LARGE1: variants seen among roughly 807,000 people sequenced by gnomAD.
LARGE1 encodes the protein xylosyl- and glucuronyltransferase LARGE1.
A neutral mutation model predicts 87.6 loss-of-function variants in LARGE1; 43 were observed. The ratio of observed to expected loss-of-function variants is 0.49; its 90% CI spans 0.38 to 0.63. LARGE1 has a LOEUF of 0.63. Among genes scored for constraint, LARGE1 ranks in the 30% least tolerant of loss-of-function variants. LARGE1 has a pLI of 0.00. For missense variants in LARGE1, 802 were observed against 1,000.2 expected (o/e 0.80, Z 2.67); for synonymous variants, 434 against 394.6 (o/e 1.10, Z -1.18).
At chr22:33,371,638 C>A (rs1368202655) in intron 9 of LARGE1, among the ~76,000 whole-genome samples, 1 of 152,114 alleles carries the variant, frequency 6.6e-6, no homozygotes, top group Non-Finnish European at 1.5e-5. Flanking sequence ...TTTCAGTTTT[C>A]ATAAGTAATC....
At chr22:33,460,859 C>T (rs2068352171) in intron 6 of LARGE1, among the ~76,000 whole-genome samples, 1 of 152,186 alleles carries the variant, frequency 6.6e-6, no homozygotes, top group Non-Finnish European at 1.5e-5. Context: ...GGGTAAAAGA[C>T]AGTGATCTCC....
At chr22:33,890,385 T>TA (rs982136405) in intron 1 of LARGE1, among the ~76,000 whole-genome samples, 8 of 149,722 alleles carry the variant, frequency 5.3e-5, no homozygotes, top group East Asian at 1.9e-4. Context: ...AGTTGGTGCT[T>TA]AAAAAAAAAA....
intron 11 of LARGE1, among the ~76,000 whole-genome samples, chr22:33,197,661 A>G (rs1423050504): frequency 6.6e-6 from 1 of 152,248 alleles, no homozygotes; most frequent in East Asian, 1.9e-4. Flanking sequence ...GAAGATACAT[A>G]CAATATTTCT....
chr22:33,812,305 G>T (rs917894605), intron 1 of LARGE1, among the ~76,000 whole-genome samples: 2 of 152,142 alleles, frequency 1.3e-5, no homozygotes, highest in Non-Finnish European at 2.9e-5. Flanking sequence ...GCCTTCTCAC[G>T]GTTCTGACAC....
chr22:33,719,497 A>ATTTATT (rs371661414), intron 2 of LARGE1, among the ~76,000 whole-genome samples: 3,554 of 145,184 alleles, frequency 0.024, 36 homozygotes, highest in Non-Finnish European at 0.028. Flanking sequence ...CATCTATACC[A>ATTTATT]TATTTATTTA....
intron 1 of LARGE1, among the ~76,000 whole-genome samples, chr22:33,790,740 T>C (rs1174514188): frequency 6.6e-6 from 1 of 152,182 alleles, no homozygotes; most frequent in Non-Finnish European, 1.5e-5. Flanking sequence ...TCACAAAGAT[T>C]GAAAAACTCC....
intron 6 of LARGE1, among the ~76,000 whole-genome samples, chr22:33,554,947 C>A (rs887955343): frequency 6.6e-6 from 1 of 152,202 alleles, no homozygotes; most frequent in African/African-American, 2.4e-5. Context: ...AGACAAAGAT[C>A]CCTGCCTTCC....
intron 1 of LARGE1, among the ~76,000 whole-genome samples, chr22:33,802,962 G>A (rs2086205948): frequency 6.6e-6 from 1 of 152,164 alleles, no homozygotes; most frequent in Non-Finnish European, 1.5e-5. Context: ...ACAGATAGAT[G>A]GGTGGGTGAG....
At chr22:33,176,141 A>G (rs1922856949) in intron 11 of LARGE1, among the ~76,000 whole-genome samples, 1 of 152,214 alleles carries the variant, frequency 6.6e-6, no homozygotes, top group Admixed American at 6.5e-5. Context: ...TACACCTTAT[A>G]CAAAAACTAA....
At chr22:33,707,545 T>C (rs892775807) in intron 2 of LARGE1, among the ~76,000 whole-genome samples, 1 of 152,248 alleles carries the variant, frequency 6.6e-6, no homozygotes, top group African/African-American at 2.4e-5. Context: ...CTCCCTCCTT[T>C]CTCCAACTGC....
chr22:33,246,872 G>A (rs1926784038), intron 11 of LARGE1, among the ~76,000 whole-genome samples: 1 of 152,158 alleles, frequency 6.6e-6, no homozygotes, highest in Non-Finnish European at 1.5e-5. Flanking sequence ...GTGATTTTGT[G>A]AGCCATGAGA....
intron 10 of LARGE1, among the ~76,000 whole-genome samples, chr22:33,319,521 G>C (rs1209801468): frequency 6.6e-6 from 1 of 152,048 alleles, no homozygotes; most frequent in Admixed American, 6.6e-5. Context: ...TCAGCCTCCC[G>C]AGTAGCTGTG....
At chr22:33,533,449 G>A (rs1025730051) in intron 6 of LARGE1, among the ~76,000 whole-genome samples, 1 of 152,054 alleles carries the variant, frequency 6.6e-6, no homozygotes, top group East Asian at 1.9e-4. Context: ...GAAACTTTGC[G>A]GCAGGCTGCC....
At chr22:33,869,457 C>G (rs747294182) in intron 1 of LARGE1, among the ~76,000 whole-genome samples, 1 of 152,170 alleles carries the variant, frequency 6.6e-6, no homozygotes, top group Middle Eastern at 3.2e-3. Flanking sequence ...TCTGAAAAAT[C>G]GAAGCCTCCT....
In LARGE1 at chr22:33,835,225, A is replaced by G. The variant is rs556424361; in HGVS notation, c.-82-73667T>C. 2.6e-5 allele frequency among the ~76,000 whole-genome samples: 4 copies of G among 152,354 alleles called. No homozygotes were observed. In the South Asian group the frequency reaches 8.3e-4, roughly 32 times the overall value. On this transcript the variant is annotated intron_variant, in intron 1 of 14. Transcript: ENST00000397394. ...TGGTATAATATTTTACTGCTAGAGA[A>G]GCATTCACACAATATGTGGCATTTT...
At chr22:33,830,861 G>C (rs989109495) in intron 1 of LARGE1, among the ~76,000 whole-genome samples, 4 of 152,222 alleles carry the variant, frequency 2.6e-5, no homozygotes, top group African/African-American at 9.6e-5. Context: ...CCCTCACGTA[G>C]AAGAAGAGGT....
At chr22:33,394,695 C>T (rs921174671) in intron 7 of LARGE1, among the ~76,000 whole-genome samples, 3 of 144,212 alleles carry the variant, frequency 2.1e-5, no homozygotes, top group Non-Finnish European at 3.0e-5. Context: ...TCTCAACCTC[C>T]TGGGAGCGTG....
At chr22:33,158,005 C>G (rs1014711454), downstream of LARGE1, among the ~76,000 whole-genome samples, 14 of 151,630 alleles carry the variant, frequency 9.2e-5, no homozygotes, top group African/African-American at 3.2e-4. Context: ...CAGAACAATG[C>G]AAAATATATT....
chr22:33,658,792 G>A (rs2081042768), intron 2 of LARGE1, among the ~76,000 whole-genome samples: 1 of 152,056 alleles, frequency 6.6e-6, no homozygotes, highest in South Asian at 2.1e-4. Flanking sequence ...TATTCCTTTG[G>A]GTTTTCAGCA....
Sources: allele counts gnomAD v4.1 joint callset (sites outside exome capture counted in the v4.1 genomes callset), GRCh38; gene constraint gnomAD v4.1.1; transcripts MANE v1.5; gene names NCBI Gene and HGNC (gene_info 2026-07-23, HGNC 2026-07-21).